The following IQGAP2 variants were observed in gnomAD, a reference collection of about 807,000 sequenced individuals.
The protein encoded by IQGAP2 is IQ motif containing GTPase activating protein 2.
IQGAP2 carries 173 observed loss-of-function variants against 201.3 expected under a neutral mutation model. The ratio of observed to expected loss-of-function variants is 0.86; its 90% CI spans 0.76 to 0.98. IQGAP2 has a LOEUF of 0.98. IQGAP2 is among the 50% of genes least tolerant of loss of function. The pLI is 0.00. For synonymous variants in IQGAP2, 675 were observed against 673.9 expected (o/e 1.00, Z -0.03); for missense variants, 1,687 against 1,864.8 (o/e 0.90, Z 1.76).
intron 21 of IQGAP2, among the ~76,000 whole-genome samples, chr5:76,662,488 A>G (rs540301556): frequency 6.6e-6 from 1 of 152,256 alleles, no homozygotes; most frequent in South Asian, 2.1e-4. Flanking sequence ...TTCTAGAGTG[A>G]CCTCCACTGA....
intron 2 of IQGAP2, among the ~76,000 whole-genome samples, chr5:76,538,695 C>G (rs1260964818): frequency 1.3e-5 from 2 of 152,172 alleles, no homozygotes; most frequent in Non-Finnish European, 2.9e-5. Context: ...TTAAATCCCC[C>G]CTTCCAGTCT....
At chr5:76,537,989 G>C (rs1759722124) in intron 2 of IQGAP2, among the ~76,000 whole-genome samples, 2 of 152,030 alleles carry the variant, frequency 1.3e-5, no homozygotes, top group Admixed American at 1.3e-4. Flanking sequence ...GTAGAGGAGG[G>C]GTGTATTTGC....
chr5:76,612,723 GGAATA>G (rs1236590960), intron 13 of IQGAP2, among the ~76,000 whole-genome samples: 76 of 151,900 alleles, frequency 5.0e-4, no homozygotes, highest in Non-Finnish European at 9.0e-4. Flanking sequence ...GCACATAGAT[GGAATA>G]TAGATAGGCT....
At chr5:76,518,248 C>T (rs1016662416) in intron 2 of IQGAP2, among the ~76,000 whole-genome samples, 10 of 152,152 alleles carry the variant, frequency 6.6e-5, no homozygotes, top group African/African-American at 2.2e-4. Context: ...AGGTGTGAGC[C>T]ACCACACCCG....
chr5:76,683,844 A>G lies in IQGAP2; in HGVS notation c.3832A>G (p.Ile1278Val), dbSNP rs776113927. The G allele has an allele frequency of 9.9e-6, 16 of 1,613,734 alleles. No homozygotes were observed. Among genetic ancestry groups the G allele is most frequent in the Non-Finnish European group, 1.2e-5 (14 of 1,179,758 alleles). ...NTLSQLSKTE[I>V]SLVLTSKYDI... ...ACTAAGTCAGCTTTCAAAGACCGAG[A>G]TTTCTCTTGTCTTGACAAGCAAATA... Residue 1278 changes from isoleucine (I) to valine (V), a missense_variant, in exon 30 of 36, where the codon ATT (isoleucine) becomes GTT (valine). Transcript: ENST00000274364.
chr5:76,589,089 G>A (rs559973155), intron 6 of IQGAP2, 116 bp downstream of exon 6: 41 of 532,860 alleles, frequency 7.7e-5, no homozygotes, highest in Admixed American at 3.7e-4. Flanking sequence ...CGAGGCGGGC[G>A]GATCACAAGG....
chr5:76,635,125 T>C (rs780986234), intron 15 of IQGAP2, among the ~76,000 whole-genome samples: 5 of 152,212 alleles, frequency 3.3e-5, no homozygotes, highest in Non-Finnish European at 5.9e-5. Context: ...TCATCCTTCA[T>C]TGGGAAAGAA....
At chr5:76,540,417 G>A (rs1454185621) in intron 2 of IQGAP2, among the ~76,000 whole-genome samples, 1 of 152,134 alleles carries the variant, frequency 6.6e-6, no homozygotes, top group Non-Finnish European at 1.5e-5. Flanking sequence ...TTGGAGGTAT[G>A]GAGCACTAGA....
intron 12 of IQGAP2, 78 bp downstream of exon 12, chr5:76,606,381 C>T: frequency 1.5e-6 from 2 of 1,330,060 alleles, no homozygotes; most frequent in Non-Finnish European, 2.0e-6. Context: ...TAGATTAGGG[C>T]TTTAAGTTTT....
chr5:76,425,992 GCCAGTAT>G (rs1751973057), intron 1 of IQGAP2, among the ~76,000 whole-genome samples: 1 of 152,210 alleles, frequency 6.6e-6, no homozygotes, highest in Admixed American at 6.5e-5. Context: ...CATGGTCTGT[GCCAGTAT>G]CCTCAGTCTT....
intron 12 of IQGAP2, among the ~76,000 whole-genome samples, chr5:76,609,565 A>G (rs899188811): frequency 1.3e-5 from 2 of 152,174 alleles, no homozygotes; most frequent in Non-Finnish European, 2.9e-5. Flanking sequence ...TAAATATTTT[A>G]TCTTTACTTG....
rs1284884269 is a variant in IQGAP2 at position 76,496,720 on chromosome 5, CTTTCTTTTCTTTCTTT to C, written c.146+35052_146+35067del. 1.1e-3 allele frequency among the ~76,000 whole-genome samples: 19 copies of C among 17,844 alleles called. 1 individual carries two copies. Among genetic ancestry groups the C allele is most frequent in the African/African-American group, 4.1e-3 (16 of 3,870 alleles). The allele number at this position is 17,844 out of a possible 152,430, so 11.7% of individuals were successfully genotyped here. A position where few individuals can be genotyped will look rare whatever the true frequency, so the allele number is the denominator to read the frequency against. ...TTTCTGTCTCTTTCTTTCTTTCTTT[CTTTCTTTTCTTTCTTT>C]CTTTCTTTCTTTCTTTCTTTCTTTC... On this transcript the variant is annotated intron_variant, in intron 2 of 35. Coordinates refer to ENST00000274364, the MANE Select transcript of IQGAP2 (RefSeq NM_006633.5).
At position 76,444,242 on chromosome 5, in the gene IQGAP2, A is replaced by G. The variant is rs548871533; in HGVS notation, c.47-17328A>G. Among the ~76,000 whole-genome samples the G allele has an allele frequency of 5.9e-5, 9 of 152,254 alleles. No homozygotes were observed. The South Asian group carries it at 1.9e-3, about 32-fold the overall frequency. ...CTCTATTTAAAATAAAGGAAATTAAAATAATAGAAAGAGAAAATAGATGCT... is the reference window on the plus strand; with the variant it reads ...CTCTATTTAAAATAAAGGAAATTAAGATAATAGAAAGAGAAAATAGATGCT... On this transcript the variant is annotated intron_variant, in intron 1 of 35. Transcript: ENST00000274364.
chr5:76,649,042 A>T (rs1167791226), intron 17 of IQGAP2, among the ~76,000 whole-genome samples: 2 of 152,264 alleles, frequency 1.3e-5, no homozygotes, highest in East Asian at 3.8e-4. Context: ...AAGCTGAGGA[A>T]ACCTCAGACA....
In IQGAP2 at chr5:76,597,456, C is replaced by A; in HGVS notation, c.925C>A (p.His309Asn). The stretch of plus-strand genomic sequence containing the variant: ...ATCCTCAGGGCAGGCTGCAGTGGAC[C>A]ATATCAATGCTGTCATTCCGGAAGG... ...NKVNRQAAVD[H>N]INAVIPEGDP... is the part of the protein sequence containing the mutation. Residue 309 changes from histidine (H) to asparagine (N), a missense_variant, in exon 10 of 36, where the codon CAT becomes AAT. Physicochemically the swap from His to Asn is moderately conservative, Grantham distance 68 (BLOSUM62 1). Coordinates refer to ENST00000274364, the MANE Select transcript of IQGAP2 (RefSeq NM_006633.5). 1 of 1,613,932 alleles carries A rather than the reference C, an allele frequency of 6.2e-7. No homozygotes were observed. Among genetic ancestry groups the A allele is most frequent in the Non-Finnish European group, 8.5e-7 (1 of 1,179,946 alleles).
intron 2 of IQGAP2, among the ~76,000 whole-genome samples, chr5:76,486,911 C>T (rs923213287): frequency 5.3e-5 from 8 of 152,036 alleles, no homozygotes; most frequent in Non-Finnish European, 8.8e-5. Flanking sequence ...GTTTACTAAT[C>T]ATTTAACCTG....
intron 14 of IQGAP2, among the ~76,000 whole-genome samples, chr5:76,630,213 A>G (rs1750584964): frequency 6.6e-6 from 1 of 152,192 alleles, no homozygotes; most frequent in South Asian, 2.1e-4. Context: ...AGAAGGAAAA[A>G]CTAAGAAGCA....
intron 2 of IQGAP2, among the ~76,000 whole-genome samples, chr5:76,483,780 C>A (rs147565771): frequency 2.6e-5 from 4 of 152,320 alleles, no homozygotes; most frequent in African/African-American, 9.6e-5. Context: ...TTATGCTAGT[C>A]CTGCAGCCTC....
At chr5:76,678,507 T>C (rs1358717590) in intron 28 of IQGAP2, among the ~76,000 whole-genome samples, 3 of 152,218 alleles carry the variant, frequency 2.0e-5, no homozygotes, top group Non-Finnish European at 4.4e-5. Context: ...GAAAAAATCT[T>C]GGTTTTTAAA....
Sources: allele counts gnomAD v4.1 joint callset (sites outside exome capture counted in the v4.1 genomes callset), GRCh38; gene constraint gnomAD v4.1.1; transcripts MANE v1.5; gene names NCBI Gene and HGNC (gene_info 2026-07-23, HGNC 2026-07-21).